SOX6: variants seen among roughly 807,000 people sequenced by gnomAD.
SOX6 encodes SRY-box transcription factor 6.
Under a neutral mutation model 97.8 loss-of-function variants are expected in SOX6, and 11 were observed. The observed-to-expected ratio is 0.11, with a 90% confidence interval of 0.07 to 0.19. SOX6 has a LOEUF of 0.19. Ranked by LOEUF, SOX6 falls within the 10% of genes least tolerant of loss-of-function variation. The pLI is 1.00. For missense variants in SOX6, 810 were observed against 1,039.5 expected, an observed-to-expected ratio of 0.78 and a Z score of 3.04; for synonymous variants, 360 against 371.4, an observed-to-expected ratio of 0.97 and a Z score of 0.35.
At chr11:16,332,837 A>T (rs973808303) in intron 2 of SOX6, among the ~76,000 whole-genome samples, 1 of 152,208 alleles carries the variant, frequency 6.6e-6, no homozygotes, top group African/African-American at 2.4e-5. Context: ...CAAAAGTAAT[A>T]ATAGCTTGAA....
chr11:16,015,218 C>T, intron 12 of SOX6, 168 bp from the exon 13 acceptor site: 1 of 676,646 alleles, frequency 1.5e-6, no homozygotes, highest in Admixed American at 2.2e-5. Flanking sequence ...CTGTTTGTGA[C>T]ATGGACAGCA....
chr11:16,608,067 G>T (rs1018151538), intron 4 of SOX6, among the ~76,000 whole-genome samples: 4 of 152,006 alleles, frequency 2.6e-5, no homozygotes, highest in African/African-American at 7.3e-5. Context: ...GAAAGTCGGG[G>T]TCAGAGGAGA....
At chr11:15,994,962 T>A (rs1195247407) in intron 13 of SOX6, among the ~76,000 whole-genome samples, 1 of 152,202 alleles carries the variant, frequency 6.6e-6, no homozygotes, top group Admixed American at 6.5e-5. Flanking sequence ...GAAATTCTGT[T>A]TTCATAGTTT....
chr11:16,626,743 G>C (rs1202606475), intron 3 of SOX6, among the ~76,000 whole-genome samples: 1 of 152,044 alleles, frequency 6.6e-6, no homozygotes, highest in African/African-American at 2.4e-5. Flanking sequence ...TCAATGCAGA[G>C]GTCTTAATCA....
intron 3 of SOX6, among the ~76,000 whole-genome samples, chr11:16,266,670 C>T (rs538302690): frequency 5.8e-4 from 88 of 151,498 alleles, no homozygotes; most frequent in African/African-American, 2.0e-3. Flanking sequence ...TTAAAGTATA[C>T]GTTTATTGTA....
At chr11:15,982,444 T>G (rs1003850771) in intron 15 of SOX6, among the ~76,000 whole-genome samples, 2 of 152,044 alleles carry the variant, frequency 1.3e-5, no homozygotes, top group Non-Finnish European at 2.9e-5. Context: ...CCAAATTTAA[T>G]ATTTTATAGT....
At chr11:16,564,655 A>C (rs1847849811) in intron 4 of SOX6, among the ~76,000 whole-genome samples, 2 of 152,168 alleles carry the variant, frequency 1.3e-5, no homozygotes, top group African/African-American at 4.8e-5. Flanking sequence ...TCAGTAAGAA[A>C]GAAAGAACTA....
At chr11:16,417,086 T>G (rs1590195242) in intron 1 of SOX6, among the ~76,000 whole-genome samples, 1 of 152,170 alleles carries the variant, frequency 6.6e-6, no homozygotes, top group Admixed American at 6.5e-5. Context: ...GAGTTGCTTT[T>G]GTTGAGGAAG....
chr11:16,247,786 T>C (rs574791921), intron 3 of SOX6, among the ~76,000 whole-genome samples: 1 of 152,234 alleles, frequency 6.6e-6, no homozygotes, highest in East Asian at 1.9e-4. Context: ...ATTTTGCCCC[T>C]GGTCCCTCCC....
At chr11:16,737,321 C>T (rs1036941261) in intron 1 of SOX6, among the ~76,000 whole-genome samples, 2 of 152,158 alleles carry the variant, frequency 1.3e-5, no homozygotes, top group African/African-American at 4.8e-5. Context: ...ATTCTCCTGC[C>T]TCAGCCTCCC....
chr11:16,262,164 G>A (rs536016569), intron 3 of SOX6, among the ~76,000 whole-genome samples: 1 of 152,142 alleles, frequency 6.6e-6, no homozygotes, highest in South Asian at 2.1e-4. Context: ...GGAGGCTAAT[G>A]TTATACATCT....
intron 12 of SOX6, among the ~76,000 whole-genome samples, chr11:16,030,531 T>G (rs949954745): frequency 6.6e-6 from 1 of 152,274 alleles, no homozygotes; most frequent in South Asian, 2.1e-4. Flanking sequence ...TATAGAAAAT[T>G]TCTAGCTCAT....
intron 4 of SOX6, among the ~76,000 whole-genome samples, chr11:16,599,256 C>T (rs564839107): frequency 6.3e-4 from 96 of 152,132 alleles, no homozygotes; most frequent in African/African-American, 2.2e-3. Context: ...ATGAATTCCT[C>T]GCCACACACA....
At chr11:16,636,527 A>G (rs964562334) in intron 3 of SOX6, among the ~76,000 whole-genome samples, 2 of 152,168 alleles carry the variant, frequency 1.3e-5, no homozygotes, top group Non-Finnish European at 2.9e-5. Context: ...TTTTGAGTTA[A>G]TGCTGGAATG....
At chr11:16,698,839 T>A (rs1451635754) in intron 3 of SOX6, among the ~76,000 whole-genome samples, 1 of 152,204 alleles carries the variant, frequency 6.6e-6, no homozygotes, top group East Asian at 1.9e-4. Context: ...TTGTCATTTA[T>A]GGGAGAGGTT....
intron 4 of SOX6, among the ~76,000 whole-genome samples, chr11:16,535,149 C>A (rs1216650773): frequency 6.6e-6 from 1 of 152,120 alleles, no homozygotes; most frequent in African/African-American, 2.4e-5. Context: ...ATCACTAGAT[C>A]TTTCTAAGAA....
intron 1 of SOX6, among the ~76,000 whole-genome samples, chr11:16,412,592 T>C (rs1858844051): frequency 1.3e-5 from 2 of 152,266 alleles, no homozygotes. Context: ...TGGGCAATAC[T>C]ATGAGACCCC....
chr11:16,232,236 T>C (rs1281709395), intron 4 of SOX6, among the ~76,000 whole-genome samples: 2 of 151,958 alleles, frequency 1.3e-5, no homozygotes, highest in African/African-American at 4.8e-5. Flanking sequence ...TATGTTGAGT[T>C]TTGGTAGCAG....
At chr11:16,507,869 A>C (rs1306955890) in intron 4 of SOX6, among the ~76,000 whole-genome samples, 1 of 152,208 alleles carries the variant, frequency 6.6e-6, no homozygotes, top group Non-Finnish European at 1.5e-5. Context: ...AATGAAAACA[A>C]AAATAGACAA....
Sources: allele counts gnomAD v4.1 joint callset (sites outside exome capture counted in the v4.1 genomes callset), GRCh38; gene constraint gnomAD v4.1.1; transcripts MANE v1.5; gene names NCBI Gene and HGNC (gene_info 2026-07-23, HGNC 2026-07-21).